Variants in COBL observed in about 807,000 individuals in gnomAD.
The protein encoded by COBL is protein cordon-bleu.
COBL carries 51 observed loss-of-function variants against 98.8 expected under a neutral mutation model. The observed-to-expected ratio is 0.52, with a 90% confidence interval of 0.41 to 0.65. The LOEUF is 0.65. Among genes scored for constraint, COBL ranks in the 30% least tolerant of loss-of-function variants. The probability of loss-of-function intolerance (pLI) is 0.00; values close to 1 mark genes in which losing one functional copy is unlikely to be tolerated. For missense variants in COBL, 1,617 were observed against 1,617.5 expected (o/e 1.00, Z 0.01); for synonymous variants, 634 against 651.7 (o/e 0.97, Z 0.41).
chr7:51,278,379 C>CTTTTTTT (rs10649607), intron 1 of COBL, among the ~76,000 whole-genome samples: 2 of 119,516 alleles, frequency 1.7e-5, no homozygotes, highest in Non-Finnish European at 3.3e-5. Context: ...TAGACAGGAT[C>CTTTTTTT]TTTTTTTTTT....
intron 6 of COBL, among the ~76,000 whole-genome samples, chr7:51,112,767 C>T (rs1386221100): frequency 3.3e-5 from 5 of 152,136 alleles, no homozygotes; most frequent in South Asian, 4.2e-4. Flanking sequence ...CTTAGGTCAA[C>T]GCTGCAGGCA....
At chr7:51,219,106 G>C (rs1301157985) in intron 2 of COBL, among the ~76,000 whole-genome samples, 1 of 152,146 alleles carries the variant, frequency 6.6e-6, no homozygotes, top group Non-Finnish European at 1.5e-5. Context: ...AGGAGACTTT[G>C]CCAATGTTTC....
intron 5 of COBL, among the ~76,000 whole-genome samples, chr7:51,167,440 AGAG>A (rs1787427786): frequency 6.6e-6 from 1 of 152,194 alleles, no homozygotes; most frequent in African/African-American, 2.4e-5. Context: ...AAGAAATTAA[AGAG>A]GATACCAAAA....
chr7:51,021,221 C>G (rs972343902), intron 12 of COBL: 1 of 152,210 alleles, frequency 6.6e-6, no homozygotes, highest in African/African-American at 2.4e-5. Flanking sequence ...CTACTGAGAA[C>G]CTATGGAGAA....
At chr7:51,085,356 G>A in intron 6 of COBL, 52 bp from the exon 7 acceptor site, 1 of 481,174 alleles carries the variant, frequency 2.1e-6, no homozygotes, top group African/African-American at 6.2e-5. Flanking sequence ...TACCTATGAA[G>A]TACAAAGAAG....
chr7:51,048,487 A>G (rs1458217590), intron 7 of COBL, among the ~76,000 whole-genome samples: 1 of 152,186 alleles, frequency 6.6e-6, no homozygotes, highest in Non-Finnish European at 1.5e-5. Context: ...TAGTATTTTC[A>G]TGCCCAGGCC....
intron 1 of COBL, among the ~76,000 whole-genome samples, chr7:51,220,864 G>T (rs1375690660): frequency 6.6e-6 from 1 of 151,976 alleles, no homozygotes; most frequent in Non-Finnish European, 1.5e-5. Flanking sequence ...GATTAGCCAG[G>T]GAAAGCAACT....
chr7:51,259,875 T>A (rs1464545545), intron 1 of COBL: 2 of 756,766 alleles, frequency 2.6e-6, no homozygotes, highest in Non-Finnish European at 4.8e-6. Context: ...AGTAAACTCA[T>A]GTCATTAATC....
At position 51,029,326 on chromosome 7, in the gene COBL, A is replaced by G; in HGVS notation, c.1770T>C (p.His590=). The G allele has an allele frequency of 6.2e-7, 1 of 1,601,630 alleles. No individual in the cohort carries two copies. The highest frequency in any genetic ancestry group is 8.5e-7 in the Non-Finnish European group (1 of 1,172,764). The change falls in exon 10 of 13, where the codon CAT becomes CAC. Residue 590 remains histidine (H), a synonymous_variant. Coordinates refer to ENST00000265136, the MANE Select transcript of COBL (RefSeq NM_015198.5). Reference sequence around the variant, plus strand: ...CAGGTACTTCCTCCCTTGCCTTTTCATGGGGCTGGCTGTGCTCAGCTTGAA... The same window carrying G: ...CAGGTACTTCCTCCCTTGCCTTTTCGTGGGGCTGGCTGTGCTCAGCTTGAA... ...APLQAEHSQP[H]EKAREEVPAL... is the part of the protein sequence containing the mutation.
At chr7:51,166,302 A>C (rs959245366) in intron 5 of COBL, among the ~76,000 whole-genome samples, 2 of 152,110 alleles carry the variant, frequency 1.3e-5, no homozygotes, top group African/African-American at 4.8e-5. Flanking sequence ...AATTCAAAGG[A>C]TCATTGGTGG....
At position 51,219,895 on chromosome 7, in the gene COBL, G is replaced by A; in HGVS notation, c.91C>T (p.Leu31=). 6.2e-7 allele frequency: 1 copy of A among 1,612,766 alleles called. No individual in the cohort carries two copies. Among genetic ancestry groups the A allele is most frequent in the Non-Finnish European group, 8.5e-7 (1 of 1,180,012 alleles). Residue 31 remains leucine, a synonymous_variant, in exon 2 of 13, where the codon CTG becomes TTG. Transcript: ENST00000265136. ...APPPPGKAAT[L]HVHSDQKPPH... is the part of the protein sequence containing the mutation. Reference sequence around the variant, plus strand: ...GGCTTCTGGTCACTGTGCACATGCAGAGTGGCAGCCTTTCCAGGAGGTGGG... The same window carrying A: ...GGCTTCTGGTCACTGTGCACATGCAAAGTGGCAGCCTTTCCAGGAGGTGGG...
At chr7:51,239,168 G>T (rs180852263) in intron 1 of COBL, among the ~76,000 whole-genome samples, 3 of 152,148 alleles carry the variant, frequency 2.0e-5, no homozygotes, top group African/African-American at 7.2e-5. Flanking sequence ...ATTCCATCTC[G>T]AATAGGGGCT....
At chr7:51,088,190 T>C (rs1261426983) in intron 6 of COBL, among the ~76,000 whole-genome samples, 1 of 152,214 alleles carries the variant, frequency 6.6e-6, no homozygotes, top group Admixed American at 6.5e-5. Flanking sequence ...CTGAATATCC[T>C]TAATTCTGCA....
intron 6 of COBL, among the ~76,000 whole-genome samples, chr7:51,108,015 T>C: frequency 6.6e-6 from 1 of 152,094 alleles, no homozygotes; most frequent in East Asian, 1.9e-4. Context: ...CTGGAGTATG[T>C]CTTCAGAGGA....
At chr7:51,156,536 T>G in intron 5 of COBL, 6 of 985,216 alleles carry the variant, frequency 6.1e-6, no homozygotes, top group Non-Finnish European at 7.2e-6. Flanking sequence ...AGATCCAGAA[T>G]ATATCATCTC....
chr7:51,269,379 TAAG>T (rs761585798), intron 1 of COBL, among the ~76,000 whole-genome samples: 2 of 151,916 alleles, frequency 1.3e-5, no homozygotes, highest in African/African-American at 2.4e-5. Flanking sequence ...GTGACCCAGG[TAAG>T]AAGGAGATGG....
intron 1 of COBL, among the ~76,000 whole-genome samples, chr7:51,222,517 T>C (rs967586912): frequency 3.7e-4 from 57 of 152,216 alleles, no homozygotes; most frequent in African/African-American, 1.4e-3. Flanking sequence ...CTGAAGACAA[T>C]TTGGTTTCAA....
At chr7:51,291,539 T>C (rs1391113220) in intron 1 of COBL, among the ~76,000 whole-genome samples, 2 of 151,926 alleles carry the variant, frequency 1.3e-5, no homozygotes, top group South Asian at 4.2e-4. Flanking sequence ...GGCAGGCGGA[T>C]CACCTGAGAT....
intron 2 of COBL, among the ~76,000 whole-genome samples, chr7:51,211,972 A>G (rs1397183384): frequency 6.6e-6 from 1 of 152,176 alleles, no homozygotes; most frequent in Non-Finnish European, 1.5e-5. Context: ...AAATGGAATG[A>G]TTACCTTAAA....
Sources: gnomAD v4.1 joint callset for allele counts (sites outside exome capture counted in the v4.1 genomes callset) on GRCh38, gnomAD v4.1.1 for gene constraint, MANE v1.5 for transcripts, NCBI Gene and HGNC (gene_info 2026-07-23, HGNC 2026-07-21) for gene names.